ARID1B: variants seen among roughly 807,000 people sequenced by gnomAD.
The protein encoded by ARID1B is AT-rich interaction domain 1B, also known as AT-rich interactive domain-containing protein 1B.
In ARID1B, 30 loss-of-function variants were observed where a neutral mutation model predicts 212.3. The ratio of observed to expected loss-of-function variants is 0.14; its 90% CI spans 0.11 to 0.19. The LOEUF is 0.19. ARID1B is among the 10% of genes least tolerant of loss of function. ARID1B has a pLI of 1.00. For synonymous variants in ARID1B, 1,402 were observed against 1,301.7 expected (o/e 1.08, Z -1.66); for missense variants, 2,891 against 3,204.0 (o/e 0.90, Z 2.36).
rs1426215828 is a variant in ARID1B, at chr6:156,778,227, C to A, written c.547C>A (p.Leu183Ile). Residue 183 changes from leucine (L) to isoleucine (I), a missense_variant, in exon 1 of 20, where the codon CTC becomes ATC. Physicochemically the swap from Leu to Ile is conservative, Grantham distance 5 (BLOSUM62 2). Coordinates refer to ENST00000636930, the MANE Select transcript of ARID1B (RefSeq NM_001374828.1). ...CCACCACCACCACCATGCCCACCAC[C>A]TCCACCACCACCACGCACTACAGCA... ...AHHHHHHAHH[L>I]HHHHALQQQL... 1 of 1,540,796 alleles carries A rather than the reference C, an allele frequency of 6.5e-7. No homozygotes were observed. The highest frequency in any genetic ancestry group is 8.7e-7 in the Non-Finnish European group (1 of 1,146,528).
intron 6 of ARID1B, among the ~76,000 whole-genome samples, chr6:157,125,348 G>A (rs1788065031): frequency 6.6e-6 from 1 of 152,158 alleles, no homozygotes; most frequent in African/African-American, 2.4e-5. Flanking sequence ...TTGTGGTGTG[G>A]GTGGTCATTT....
chr6:157,032,914 T>C (rs1269559465), intron 4 of ARID1B, among the ~76,000 whole-genome samples: 3 of 152,190 alleles, frequency 2.0e-5, no homozygotes, highest in Non-Finnish European at 4.4e-5. Flanking sequence ...TCTTTTCTTG[T>C]CTGCACACAT....
intron 4 of ARID1B, chr6:157,022,282 A>G (rs947297641): frequency 1.3e-5 from 2 of 152,214 alleles, no homozygotes; most frequent in Admixed American, 1.3e-4. Context: ...CTTGGATTCT[A>G]TTTGTGTAAT....
intron 1 of ARID1B, among the ~76,000 whole-genome samples, chr6:156,811,245 G>A (rs922319020): frequency 5.9e-5 from 9 of 152,012 alleles, no homozygotes; most frequent in African/African-American, 2.2e-4. Flanking sequence ...TAATTATATC[G>A]GCAAAGTCTC....
chr6:156,778,871 CGG>C lies in ARID1B; in HGVS notation c.1192_1193del (p.Gly398ArgfsTer219). ...GAGGGGGGGG[G>X]GGGGSGGGGG... ...CGGGCGGCGGCGGCGGCGGCGGCGG[CGG>C]AGGAGGAGGAGGCAGCGGAGGAGGA... On this transcript the variant is annotated frameshift_variant, in exon 1 of 20. Transcript: ENST00000636930. LOFTEE classifies it high-confidence loss of function. 2 of 1,340,178 alleles carry C rather than the reference CGG, an allele frequency of 1.5e-6. No individual in the cohort carries two copies. Among genetic ancestry groups the C allele is most frequent in the South Asian group, 1.9e-5 (1 of 53,062 alleles). The allele number at this position is 1,340,178 out of a possible 1,614,324, so 83.0% of individuals were successfully genotyped here. A position where few individuals can be genotyped will look rare whatever the true frequency, so the allele number is the denominator to read the frequency against.
At chr6:156,930,926 T>G (rs139586636) in intron 3 of ARID1B, among the ~76,000 whole-genome samples, 1 of 152,118 alleles carries the variant, frequency 6.6e-6, no homozygotes, top group Non-Finnish European at 1.5e-5. Context: ...CAGAGTGGCT[T>G]ATGCCTGTAA....
intron 1 of ARID1B, among the ~76,000 whole-genome samples, chr6:156,787,789 T>C (rs1779743798): frequency 1.3e-5 from 2 of 152,118 alleles, no homozygotes; most frequent in Admixed American, 1.3e-4. Context: ...TGTGAGCGAA[T>C]AAGCTTCTAT....
chr6:157,139,483 G>C (rs1489425293), intron 7 of ARID1B, among the ~76,000 whole-genome samples: 1 of 152,118 alleles, frequency 6.6e-6, no homozygotes, highest in Non-Finnish European at 1.5e-5. Flanking sequence ...AGCGGCAGCC[G>C]ATCGGGACCC....
chr6:156,990,849 G>A (rs531814857), intron 4 of ARID1B, among the ~76,000 whole-genome samples: 5 of 152,150 alleles, frequency 3.3e-5, no homozygotes, highest in Non-Finnish European at 7.4e-5. Context: ...TTGCTCTATT[G>A]CATTTACTAA....
At chr6:156,983,476 G>A (rs529976983) in intron 4 of ARID1B, among the ~76,000 whole-genome samples, 36 of 152,218 alleles carry the variant, frequency 2.4e-4, no homozygotes, top group Admixed American at 1.5e-3. Context: ...GCATTTCTTT[G>A]GGGTTATCAT....
rs1418604607 is a variant in ARID1B at position 156,805,554 on chromosome 6, C to T, written c.1792-23673C>T. Among the ~76,000 whole-genome samples, 3 of 152,310 alleles carry T rather than the reference C, an allele frequency of 2.0e-5. No homozygotes were observed. In the East Asian group the frequency reaches 5.8e-4, roughly 29 times the overall value. ...CTATTGGTTTGCCTATAGGAGTATG[C>T]TCTCTCTGCTCTCAGAGGGCCTACA... On this transcript the variant is annotated intron_variant, in intron 1 of 19. Transcript: ENST00000636930.
intron 2 of ARID1B, among the ~76,000 whole-genome samples, chr6:156,851,089 C>T (rs1438407351): frequency 6.6e-6 from 1 of 152,174 alleles, no homozygotes; most frequent in Non-Finnish European, 1.5e-5. Flanking sequence ...TGAGCCAGGT[C>T]TGGCTCTTTG....
chr6:156,888,011 C>T (rs751932572), intron 2 of ARID1B, among the ~76,000 whole-genome samples: 3 of 152,092 alleles, frequency 2.0e-5, no homozygotes, highest in South Asian at 4.1e-4. Context: ...GTACCCTGTC[C>T]CCACCCCATA....
At chr6:156,925,091 G>C (rs982326847) in intron 3 of ARID1B, among the ~76,000 whole-genome samples, 2 of 152,192 alleles carry the variant, frequency 1.3e-5, no homozygotes, top group Non-Finnish European at 2.9e-5. Context: ...TAAATTAGCA[G>C]CCTCTAGGAT....
chr6:156,992,601 T>C (rs1322248990), intron 4 of ARID1B, among the ~76,000 whole-genome samples: 1 of 152,180 alleles, frequency 6.6e-6, no homozygotes. Flanking sequence ...GCCGTAGGTT[T>C]TGGAGCGGGA....
chr6:157,064,519 G>GC (rs1554291462), intron 4 of ARID1B, among the ~76,000 whole-genome samples: 1 of 150,812 alleles, frequency 6.6e-6, no homozygotes, highest in African/African-American at 2.5e-5. Context: ...GACTTGATTT[G>GC]TTTAATTTTT....
At chr6:156,997,313 TG>T (rs1778650845) in intron 4 of ARID1B, among the ~76,000 whole-genome samples, 1 of 152,210 alleles carries the variant, frequency 6.6e-6, no homozygotes, top group African/African-American at 2.4e-5. Context: ...CTCATGTCTG[TG>T]CAAAAACCCT....
chr6:156,793,821 G>A (rs1393533731), intron 1 of ARID1B, among the ~76,000 whole-genome samples: 1 of 152,212 alleles, frequency 6.6e-6, no homozygotes, highest in Non-Finnish European at 1.5e-5. Context: ...AAATAACAGT[G>A]CTATAATAAA....
chr6:156,888,742 G>A (rs1283767030), intron 2 of ARID1B, among the ~76,000 whole-genome samples: 2 of 152,182 alleles, frequency 1.3e-5, no homozygotes, highest in Non-Finnish European at 2.9e-5. Context: ...GCTTCTGTGA[G>A]CAGAATTGAC....
Sources: allele counts gnomAD v4.1 joint callset (sites outside exome capture counted in the v4.1 genomes callset), GRCh38; gene constraint gnomAD v4.1.1; transcripts MANE v1.5; gene names NCBI Gene and HGNC (gene_info 2026-07-23, HGNC 2026-07-21).